The following CABCOCO1 variants were observed in gnomAD, a reference collection of about 807,000 sequenced individuals.
CABCOCO1 encodes ciliary-associated calcium-binding coiled-coil protein 1.
A neutral mutation model predicts 35.7 loss-of-function variants in CABCOCO1; 28 were observed. The ratio of observed to expected loss-of-function variants is 0.78; its 90% CI spans 0.58 to 1.07. CABCOCO1 has a LOEUF of 1.07. Ranked by LOEUF, CABCOCO1 falls within the 50% of genes least tolerant of loss-of-function variation. The pLI is 0.00. For missense variants in CABCOCO1, 326 were observed against 309.2 expected (o/e 1.05, Z -0.41); for synonymous variants, 95 against 100.1 (o/e 0.95, Z 0.30).
intron 5 of CABCOCO1, among the ~76,000 whole-genome samples, chr10:61,739,800 G>A (rs561054704): frequency 1.3e-5 from 2 of 152,134 alleles, no homozygotes; most frequent in Non-Finnish European, 1.5e-5. Context: ...AATTTAGCCA[G>A]GCATGGTGGC....
chr10:61,728,267 T>A (rs2132050596), intron 5 of CABCOCO1, among the ~76,000 whole-genome samples: 1 of 152,352 alleles, frequency 6.6e-6, no homozygotes, highest in South Asian at 2.1e-4. Context: ...TAAAGTTAGT[T>A]CTTACCTATG....
chr10:61,755,187 A>G (rs1031823847), intron 5 of CABCOCO1, among the ~76,000 whole-genome samples: 6 of 152,104 alleles, frequency 3.9e-5, no homozygotes, highest in African/African-American at 1.4e-4. Context: ...TTCATTTAAA[A>G]TTTATGGCCT....
chr10:61,680,607 A>ATATATAT (rs1839719301), intron 2 of CABCOCO1, among the ~76,000 whole-genome samples: 3 of 10,806 alleles, frequency 2.8e-4, no homozygotes, highest in Non-Finnish European at 4.1e-4. Context: ...TACATGTATA[A>ATATATAT]CATGTTATAC....
rs1442234115 is a variant in CABCOCO1 at position 61,765,769 on chromosome 10, A to G, written c.817-170A>G. 2.6e-5 allele frequency among the ~76,000 whole-genome samples: 4 copies of G among 152,380 alleles called. No homozygotes were observed. In the East Asian group the frequency reaches 7.7e-4, roughly 29 times the overall value. Reference sequence around the variant, plus strand: ...TTGGAAATGTGCAGAGAAATATGATAAAGTGTTATCACATCACTACAGGCT... The same window carrying G: ...TTGGAAATGTGCAGAGAAATATGATGAAGTGTTATCACATCACTACAGGCT... On this transcript the variant is annotated intron_variant, in intron 7 of 7. Transcript: ENST00000648843.
intron 7 of CABCOCO1, among the ~76,000 whole-genome samples, chr10:61,764,503 A>G (rs1842069111): frequency 6.6e-6 from 1 of 152,128 alleles, no homozygotes. Context: ...TTAAGGTAAG[A>G]GCTAAAATCC....
At position 61,690,669 on chromosome 10, in the gene CABCOCO1, C is replaced by A. The variant is rs761269755; in HGVS notation, c.552+48C>A. ...ACAAGTTAAGCAGAATCACTTAATG[C>A]ATGCTGATCAGCATCTGGATCTTTA... On this transcript the variant is annotated intron_variant, in intron 5 of 7. Coordinates refer to ENST00000648843, the MANE Select transcript of CABCOCO1 (RefSeq NM_001366906.2). 7 of 1,208,394 alleles carry A rather than the reference C, an allele frequency of 5.8e-6. No individual in the cohort carries two copies. In the African/African-American group the frequency reaches 9.1e-5, roughly 16 times the overall value. The allele number at this position is 1,208,394 out of a possible 1,614,324, so 74.9% of individuals were successfully genotyped here. A position where few individuals can be genotyped will look rare whatever the true frequency, so the allele number is the denominator to read the frequency against.
chr10:61,696,875 T>C (rs1339628167), intron 5 of CABCOCO1, among the ~76,000 whole-genome samples: 1 of 152,058 alleles, frequency 6.6e-6, no homozygotes, highest in Non-Finnish European at 1.5e-5. Flanking sequence ...AACGGAAACA[T>C]GGGCAAAGAA....
At chr10:61,765,149 C>T (rs1589161226) in intron 7 of CABCOCO1, among the ~76,000 whole-genome samples, 1 of 152,112 alleles carries the variant, frequency 6.6e-6, no homozygotes, top group African/African-American at 2.4e-5. Flanking sequence ...TTAAAAATCA[C>T]CTAAACAACA....
chr10:61,664,709 A>T (rs752293147), intron 1 of CABCOCO1, among the ~76,000 whole-genome samples: 7 of 152,126 alleles, frequency 4.6e-5, no homozygotes, highest in Non-Finnish European at 1.0e-4. Flanking sequence ...TGGAAACTCC[A>T]TTTTCCGTTT....
At chr10:61,680,090 C>A (rs1839663553) in intron 2 of CABCOCO1, among the ~76,000 whole-genome samples, 2 of 151,686 alleles carry the variant, frequency 1.3e-5, no homozygotes. Context: ...GCGGGCAGAT[C>A]ACTTGAGATC....
chr10:61,679,947 TA>T (rs1280626384), intron 2 of CABCOCO1, among the ~76,000 whole-genome samples: 1 of 152,066 alleles, frequency 6.6e-6, no homozygotes, highest in African/African-American at 2.4e-5. Context: ...GAAAAAATTT[TA>T]AGGTTGAAGA....
At chr10:61,733,668 G>C (rs1223937813) in intron 5 of CABCOCO1, among the ~76,000 whole-genome samples, 1 of 151,996 alleles carries the variant, frequency 6.6e-6, no homozygotes, top group Non-Finnish European at 1.5e-5. Flanking sequence ...TTTGCAACTA[G>C]ACATTAAATT....
At chr10:61,726,475 GA>G (rs986837491) in intron 5 of CABCOCO1, among the ~76,000 whole-genome samples, 1 of 151,586 alleles carries the variant, frequency 6.6e-6, no homozygotes, top group African/African-American at 2.4e-5. Context: ...AAACTATCTG[GA>G]AAAAATATTT....
At chr10:61,664,431 G>T (rs1246370781) in intron 1 of CABCOCO1, among the ~76,000 whole-genome samples, 1 of 151,826 alleles carries the variant, frequency 6.6e-6, no homozygotes, top group East Asian at 1.9e-4. Flanking sequence ...TTTAAAAGAT[G>T]TAAAGAAGTG....
intron 4 of CABCOCO1, among the ~76,000 whole-genome samples, chr10:61,689,819 C>G (rs1283131463): frequency 1.3e-5 from 2 of 151,980 alleles, no homozygotes; most frequent in African/African-American, 4.8e-5. Context: ...AGAAGTCAGC[C>G]CTTCAGTAAA....
chr10:61,677,997 A>T (rs1484965019), intron 2 of CABCOCO1, among the ~76,000 whole-genome samples: 1 of 151,808 alleles, frequency 6.6e-6, no homozygotes, highest in Admixed American at 6.6e-5. Context: ...TGTCAGAAGT[A>T]TATTTTTTTA....
At chr10:61,680,647 A>G (rs1839726898) in intron 2 of CABCOCO1, among the ~76,000 whole-genome samples, 1 of 71,916 alleles carries the variant, frequency 1.4e-5, no homozygotes, top group African/African-American at 4.7e-5. Context: ...CATATATAAT[A>G]TATATTATGT....
chr10:61,706,996 A>G (rs2393831), intron 5 of CABCOCO1, among the ~76,000 whole-genome samples: 51,104 of 151,860 alleles, frequency 0.34, 10,098 homozygotes, highest in East Asian at 0.74. Context: ...AACCCTCCTC[A>G]ATGACCCATT....
intron 1 of CABCOCO1, among the ~76,000 whole-genome samples, chr10:61,669,020 G>GGAAAAAAAAAAAAAAAAAAAA (rs1455258314): frequency 9.8e-6 from 1 of 102,480 alleles, no homozygotes; most frequent in Non-Finnish European, 2.1e-5. Context: ...AAGGGTTGGG[G>GGAAAAAAAAAAAAAAAAAAAA]AAAAAAAAAA....
Sources: allele counts gnomAD v4.1 joint callset (sites outside exome capture counted in the v4.1 genomes callset), GRCh38; gene constraint gnomAD v4.1.1; transcripts MANE v1.5; gene names NCBI Gene and HGNC (gene_info 2026-07-23, HGNC 2026-07-21).